PSPC1: variants seen among roughly 807,000 people sequenced by gnomAD.
PSPC1 encodes paraspeckle protein 1.
PSPC1 carries 14 observed loss-of-function variants against 51.6 expected under a neutral mutation model. The ratio of observed to expected loss-of-function variants is 0.27; its 90% CI spans 0.18 to 0.42. PSPC1 has a LOEUF of 0.42. Among genes scored for constraint, PSPC1 ranks in the 10% least tolerant of loss-of-function variants. PSPC1 has a pLI of 1.00. For synonymous variants in PSPC1, 193 were observed against 231.9 expected (o/e 0.83, Z 1.53); for missense variants, 406 against 701.1 (o/e 0.58, Z 4.75).
intron 5 of PSPC1, among the ~76,000 whole-genome samples, chr13:19,736,668 G>A (rs934841498): frequency 2.0e-5 from 3 of 152,142 alleles, no homozygotes; most frequent in Non-Finnish European, 4.4e-5. Flanking sequence ...GGGCGACAGA[G>A]TGAGACTCCG....
intron 6 of PSPC1, among the ~76,000 whole-genome samples, chr13:19,710,534 G>A (rs1340617715): frequency 6.6e-6 from 1 of 152,110 alleles, no homozygotes; most frequent in Non-Finnish European, 1.5e-5. Context: ...CTGTACTTTT[G>A]AAAAGCAATC....
intron 5 of PSPC1, 114 bp downstream of exon 5, chr13:19,741,451 G>A: frequency 1.4e-6 from 1 of 711,618 alleles, no homozygotes; most frequent in East Asian, 2.7e-5. Context: ...GGTTAAAATG[G>A]GCAATTTTTC....
At chr13:19,781,057 G>A (rs938179458) in intron 1 of PSPC1, among the ~76,000 whole-genome samples, 1 of 151,744 alleles carries the variant, frequency 6.6e-6, no homozygotes, top group African/African-American at 2.4e-5. Flanking sequence ...CAGCTACTCG[G>A]GAGGCTGAGG....
chr13:19,677,517 T>G (rs958172967), intron 7 of PSPC1, among the ~76,000 whole-genome samples: 3 of 151,910 alleles, frequency 2.0e-5, no homozygotes, highest in African/African-American at 7.3e-5. Flanking sequence ...GATGCCAGGG[T>G]TTCCTACGAA....
intron 7 of PSPC1, among the ~76,000 whole-genome samples, chr13:19,677,232 C>CAA (rs144841164): frequency 6.7e-4 from 80 of 119,144 alleles, no homozygotes; most frequent in South Asian, 2.5e-3. Flanking sequence ...GACTCCGTCT[C>CAA]AAAAAAAAAA....
intron 1 of PSPC1, among the ~76,000 whole-genome samples, chr13:19,775,123 G>T (rs1438881202): frequency 1.3e-5 from 2 of 152,124 alleles, no homozygotes; most frequent in South Asian, 4.1e-4. Flanking sequence ...CAGATCACGA[G>T]GTCAGGAGTT....
Position 19,772,227 on chromosome 13 carries a change from A to G in PSPC1, c.674+15T>C, listed in dbSNP as rs1888687649. 1 of 1,606,516 alleles carries G rather than the reference A, an allele frequency of 6.2e-7. No individual in the cohort carries two copies. The highest frequency in any genetic ancestry group is 1.7e-4 in the Middle Eastern group (1 of 6,010). On this transcript the variant is annotated intron_variant, in intron 2 of 8. Transcript: ENST00000338910. ...TGTAACTGGATAGAAGAAGGACAAG[A>G]TATTTAAAACTTACGTTGTTAGCAA... is the stretch of plus-strand genomic sequence containing the variant.
downstream of PSPC1, among the ~76,000 whole-genome samples, chr13:19,701,654 C>T (rs139147042): frequency 0.018 from 2,726 of 152,302 alleles, 83 homozygotes; most frequent in African/African-American, 0.062. Flanking sequence ...TTATGCTTTA[C>T]AACCAACTGC....
rs191071624 is a variant in PSPC1 at position 19,730,462 on chromosome 13, G to A, written c.1053-118C>T. 5.9e-4 allele frequency: 497 copies of A among 845,564 alleles called. 3 individuals carry two copies. In the African/African-American group the frequency reaches 7.4e-3, roughly 13 times the overall value. The allele number at this position is 845,564 out of a possible 1,614,324, so 52.4% of individuals were successfully genotyped here. A position where few individuals can be genotyped will look rare whatever the true frequency, so the allele number is the denominator to read the frequency against. On this transcript the variant is annotated intron_variant, in intron 5 of 8. Transcript: ENST00000338910. Reference sequence around the variant, plus strand: ...CATATTATGCCAAACCTGTAATCACGACTGACCACGGCATCCTAAATTTAC... The same window carrying A: ...CATATTATGCCAAACCTGTAATCACAACTGACCACGGCATCCTAAATTTAC...
chr13:19,732,107 G>C (rs1353699716), intron 5 of PSPC1, among the ~76,000 whole-genome samples: 5 of 152,108 alleles, frequency 3.3e-5, no homozygotes, highest in African/African-American at 1.2e-4. Flanking sequence ...TCTATTACCA[G>C]AGAAAAAACT....
intron 8 of PSPC1, among the ~76,000 whole-genome samples, chr13:19,703,797 TA>T (rs892667929): frequency 1.7e-4 from 26 of 151,566 alleles, no homozygotes; most frequent in Non-Finnish European, 2.4e-4. Flanking sequence ...GTAAACATTC[TA>T]AAAAAAAATC....
At chr13:19,761,022 G>A (rs1303796916) in intron 2 of PSPC1, among the ~76,000 whole-genome samples, 7 of 151,768 alleles carry the variant, frequency 4.6e-5, no homozygotes, top group African/African-American at 1.7e-4. Flanking sequence ...AATTAGCCAG[G>A]TAGCATACAC....
At chr13:19,689,284 G>A (rs945098730) in intron 6 of PSPC1, among the ~76,000 whole-genome samples, 22 of 152,134 alleles carry the variant, frequency 1.4e-4, no homozygotes, top group Non-Finnish European at 3.1e-4. Context: ...AATAAAAACA[G>A]GATGATAACG....
At chr13:19,772,945 T>C (rs1344546925) in intron 1 of PSPC1, among the ~76,000 whole-genome samples, 1 of 152,062 alleles carries the variant, frequency 6.6e-6, no homozygotes, top group Non-Finnish European at 1.5e-5. Flanking sequence ...GCGGATCACC[T>C]GAGGTCAGGA....
intron 4 of PSPC1, among the ~76,000 whole-genome samples, chr13:19,750,000 A>C (rs1886374369): frequency 1.3e-5 from 2 of 152,188 alleles, no homozygotes; most frequent in Non-Finnish European, 2.9e-5. Context: ...GTGCTCAATA[A>C]ACATTTACTG....
intron 2 of PSPC1, among the ~76,000 whole-genome samples, chr13:19,770,467 C>G (rs1364964983): frequency 6.6e-6 from 1 of 152,064 alleles, no homozygotes; most frequent in Non-Finnish European, 1.5e-5. Context: ...CGAGACCAGC[C>G]TGGCCAACAT....
At chr13:19,748,894 A>G (rs1261103861) in intron 4 of PSPC1, among the ~76,000 whole-genome samples, 2 of 151,992 alleles carry the variant, frequency 1.3e-5, no homozygotes, top group African/African-American at 4.8e-5. Flanking sequence ...TAAAATTTCA[A>G]AACCACTGGA....
At chr13:19,777,577 T>C (rs1410459003) in intron 1 of PSPC1, among the ~76,000 whole-genome samples, 2 of 152,142 alleles carry the variant, frequency 1.3e-5, no homozygotes, top group Middle Eastern at 3.2e-3. Context: ...GAAATTTCCA[T>C]ATTTCATTAT....
chr13:19,733,786 AAT>A (rs777146075), intron 5 of PSPC1, among the ~76,000 whole-genome samples: 32 of 141,864 alleles, frequency 2.3e-4, no homozygotes, highest in African/African-American at 4.2e-4. Flanking sequence ...AAGAAAAAAA[AAT>A]ATATATATAT....
Sources: allele counts gnomAD v4.1 joint callset (sites outside exome capture counted in the v4.1 genomes callset), GRCh38; gene constraint gnomAD v4.1.1; transcripts MANE v1.5; gene names NCBI Gene and HGNC (gene_info 2026-07-23, HGNC 2026-07-21).